Variants in JARID2 observed in about 807,000 individuals in gnomAD.
JARID2 encodes jumonji and AT-rich interaction domain containing 2.
A neutral mutation model predicts 125.6 loss-of-function variants in JARID2; 21 were observed. That is an observed-to-expected ratio of 0.17 (90% CI 0.12 to 0.24). JARID2 has a LOEUF of 0.24. JARID2 is among the 10% of genes least tolerant of loss of function. The pLI, the probability that JARID2 is intolerant of heterozygous loss-of-function variation, is 1.00. For missense variants in JARID2, 1,303 were observed against 1,639.6 expected (o/e 0.79, Z 3.55); for synonymous variants, 736 against 661.6 (o/e 1.11, Z -1.73).
intron 4 of JARID2, among the ~76,000 whole-genome samples, chr6:15,457,708 A>G (rs1217583382): frequency 6.6e-6 from 1 of 151,854 alleles, no homozygotes; most frequent in Admixed American, 6.6e-5. Context: ...CAAGGGAAAG[A>G]CAGCGAGTGG....
At chr6:15,275,526 CCCCCCCG>C (rs1435449650) in intron 1 of JARID2, among the ~76,000 whole-genome samples, 1 of 23,628 alleles carries the variant, frequency 4.2e-5, no homozygotes, top group Non-Finnish European at 1.3e-4. Flanking sequence ...CATTTACCGC[CCCCCCCG>C]CCCCCCCCCC....
chr6:15,363,637 C>T (rs1444354977), intron 1 of JARID2, among the ~76,000 whole-genome samples: 1 of 152,196 alleles, frequency 6.6e-6, no homozygotes, highest in Non-Finnish European at 1.5e-5. Context: ...TGTACTACTT[C>T]ACACCTCTGA....
chr6:15,360,480 G>A (rs912873240), intron 1 of JARID2, among the ~76,000 whole-genome samples: 2 of 151,930 alleles, frequency 1.3e-5, no homozygotes, highest in African/African-American at 4.8e-5. Flanking sequence ...ACTGTGCCCG[G>A]CCTATTTATC....
rs1403644011 is a variant in JARID2, at chr6:15,521,977, C to T, written c.*1726C>T. On this transcript the variant is annotated 3_prime_UTR_variant, in exon 18 of 18. Transcript: ENST00000341776. ...TATTGCGAGTTTTTTGTTTACTTTT[C>T]AGGTTTGTACTACAAGGTTTAATAA... The T allele has an allele frequency of 6.6e-6, 1 of 152,188 alleles. No individual in the cohort carries two copies. Among genetic ancestry groups the T allele is most frequent in the Non-Finnish European group, 1.5e-5 (1 of 68,040 alleles). The allele number at this position is 152,188 out of a possible 1,614,324, so 9.4% of individuals were successfully genotyped here.
intron 1 of JARID2, among the ~76,000 whole-genome samples, chr6:15,263,882 C>A (rs185048118): frequency 2.6e-5 from 4 of 152,274 alleles, no homozygotes; most frequent in African/African-American, 9.6e-5. Context: ...CGTGAGCCAC[C>A]GTGCCCGGCT....
At chr6:15,471,228 A>G (rs1769061589) in intron 5 of JARID2, among the ~76,000 whole-genome samples, 1 of 152,198 alleles carries the variant, frequency 6.6e-6, no homozygotes, top group African/African-American at 2.4e-5. Flanking sequence ...GTGAGAGACA[A>G]CCGAATTATT....
At chr6:15,452,313 T>TTACG in intron 4 of JARID2, 138 bp downstream of exon 4, 1 of 1,291,688 alleles carries the variant, frequency 7.7e-7, no homozygotes, top group Non-Finnish European at 1.0e-6. Context: ...GAATTGAAAG[T>TTACG]GAGAAATCCC....
At chr6:15,462,534 TG>T (rs1291883798) in intron 4 of JARID2, among the ~76,000 whole-genome samples, 1 of 152,246 alleles carries the variant, frequency 6.6e-6, no homozygotes, top group Non-Finnish European at 1.5e-5. Context: ...TTCTATCCGT[TG>T]CCCAAGTCCC....
intron 3 of JARID2, among the ~76,000 whole-genome samples, chr6:15,440,614 GCA>G (rs1767404503): frequency 6.6e-6 from 1 of 152,132 alleles, no homozygotes; most frequent in Admixed American, 6.5e-5. Flanking sequence ...CTTTCCATTG[GCA>G]CAGTTTCTTT....
intron 2 of JARID2, among the ~76,000 whole-genome samples, chr6:15,374,570 G>T (rs867574989): frequency 6.6e-6 from 1 of 152,180 alleles, no homozygotes; most frequent in South Asian, 2.1e-4. Flanking sequence ...CTGAAATGTG[G>T]AGTCTTTAGT....
intron 4 of JARID2, among the ~76,000 whole-genome samples, chr6:15,461,839 C>G (rs1768464271): frequency 6.6e-6 from 1 of 151,826 alleles, no homozygotes; most frequent in African/African-American, 2.4e-5. Flanking sequence ...TGGCCTCATC[C>G]TGGAGTCTTG....
chr6:15,320,516 A>C (rs1479812933), intron 1 of JARID2, among the ~76,000 whole-genome samples: 1 of 152,188 alleles, frequency 6.6e-6, no homozygotes, highest in Admixed American at 6.5e-5. Flanking sequence ...GTTAATTATC[A>C]AAAACCATAC....
At chr6:15,461,940 A>T (rs527758992) in intron 4 of JARID2, among the ~76,000 whole-genome samples, 1 of 151,854 alleles carries the variant, frequency 6.6e-6, no homozygotes, top group East Asian at 1.9e-4. Context: ...GATGAGCATG[A>T]TTGGATAGGC....
At chr6:15,329,757 G>A (rs900945779) in intron 1 of JARID2, among the ~76,000 whole-genome samples, 10 of 152,164 alleles carry the variant, frequency 6.6e-5, no homozygotes, top group African/African-American at 2.2e-4. Flanking sequence ...TCCATGACAT[G>A]CCCTTATTCT....
At chr6:15,330,625 T>TA (rs1230333280) in intron 1 of JARID2, among the ~76,000 whole-genome samples, 1 of 152,228 alleles carries the variant, frequency 6.6e-6, no homozygotes, top group African/African-American at 2.4e-5. Flanking sequence ...ATTAAAAGCA[T>TA]AGAGTGTAAA....
At chr6:15,364,875 C>T (rs1763921035) in intron 1 of JARID2, among the ~76,000 whole-genome samples, 1 of 152,118 alleles carries the variant, frequency 6.6e-6, no homozygotes, top group Non-Finnish European at 1.5e-5. Flanking sequence ...TGAAATGTGA[C>T]CAGCATGACT....
chr6:15,262,718 A>C (rs879923032), intron 1 of JARID2, among the ~76,000 whole-genome samples: 6 of 151,824 alleles, frequency 4.0e-5, no homozygotes, highest in Admixed American at 1.3e-4. Flanking sequence ...TTGTATTCTT[A>C]GTAGAGACGG....
At chr6:15,249,115 A>C (rs1759332600) in intron 1 of JARID2, among the ~76,000 whole-genome samples, 1 of 152,206 alleles carries the variant, frequency 6.6e-6, no homozygotes, top group Non-Finnish European at 1.5e-5. Context: ...GTGTTGCATT[A>C]CTAGCGTGGT....
At chr6:15,496,081 G>T (rs1426506464) in intron 6 of JARID2, 51 bp from the exon 7 acceptor site, 1 of 1,478,982 alleles carries the variant, frequency 6.8e-7, no homozygotes, top group South Asian at 1.3e-5. Flanking sequence ...CATTTTAGTG[G>T]CAGGTACTAA....
Sources: allele counts gnomAD v4.1 joint callset (sites outside exome capture counted in the v4.1 genomes callset), GRCh38; gene constraint gnomAD v4.1.1; transcripts MANE v1.5; gene names NCBI Gene and HGNC (gene_info 2026-07-23, HGNC 2026-07-21).